CDC6: variants seen among roughly 807,000 people sequenced by gnomAD.
The protein encoded by CDC6 is DNA replication factor CDC6.
CDC6 carries 46 observed loss-of-function variants against 60.2 expected under a neutral mutation model. The observed-to-expected ratio is 0.76, with a 90% CI of 0.60 to 0.98. The LOEUF (loss-of-function observed/expected upper bound fraction) is 0.98, where lower values mean the gene tolerates loss of function less well. Ranked by LOEUF, CDC6 falls within the 50% of genes least tolerant of loss-of-function variation. The pLI is 0.00. For synonymous variants in CDC6, 210 were observed against 233.2 expected (o/e 0.90, Z 0.90); for missense variants, 596 against 652.9 (o/e 0.91, Z 0.95).
chr17:40,294,414 G>C lies in CDC6; in HGVS notation c.994G>C (p.Ala332Pro). 1 of 1,610,854 alleles carries C rather than the reference G, an allele frequency of 6.2e-7. No homozygotes were observed. Among genetic ancestry groups the C allele is most frequent in the Non-Finnish European group, 8.5e-7 (1 of 1,177,118 alleles). ...LTDRILPRLQ[A>P]REKCKPQLLN... ...AGATAGAATTCTACCTAGGCTTCAA[G>C]CTAGAGAAAAATGTAAGCCACAGCT... Residue 332 changes from alanine (A) to proline (P), a missense_variant, in exon 7 of 12, where the codon GCT becomes CCT. Physicochemically the swap from Ala to Pro is conservative, Grantham distance 27. Coordinates refer to ENST00000209728, the MANE Select transcript of CDC6 (RefSeq NM_001254.4).
chr17:40,295,304 C>G (rs2032841407), intron 7 of CDC6, 52 bp from the exon 8 acceptor site: 1 of 1,184,582 alleles, frequency 8.4e-7, no homozygotes, highest in Non-Finnish European at 1.3e-6. Flanking sequence ...ACCTAAATTA[C>G]AGAGGGAGAA....
rs767961359 is a variant in CDC6 at position 40,301,554 on chromosome 17, G to A, written c.1539G>A (p.Leu513=). The change falls in exon 11 of 12, where the codon TTG becomes TTA. Residue 513 remains leucine, a synonymous_variant. Coordinates refer to ENST00000209728, the MANE Select transcript of CDC6 (RefSeq NM_001254.4). ...AGTGTTTGTCACTTTCAGGGCTCTT[G>A]GAAGCCAGGGGCATTTTAGGATTAA... ...QSECLSLSGL[L]EARGILGLKR... 2 of 1,614,108 alleles carry A rather than the reference G, an allele frequency of 1.2e-6. No individual in the cohort carries two copies. Among genetic ancestry groups the A allele is most frequent in the East Asian group, 2.2e-5 (1 of 44,888 alleles).
rs1296847243 is a variant in CDC6, at chr17:40,303,444, GTGATC to G, written c.*1446_*1450del. ...CATTTGGAACTTGATATGTGTACAA[GTGATC>G]TGTTGGCCACTGTTTCATTCATCCT... On this transcript the variant is annotated 3_prime_UTR_variant, in exon 12 of 12. Coordinates refer to ENST00000209728, the MANE Select transcript of CDC6 (RefSeq NM_001254.4). The G allele has an allele frequency of 6.6e-6, 1 of 152,230 alleles. No individual in the cohort carries two copies. Among genetic ancestry groups the G allele is most frequent in the East Asian group, 1.9e-4 (1 of 5,198 alleles). 9.4% of individuals were successfully genotyped at this position (152,230 alleles called of 1,614,324 possible).
rs1428746001 is a variant in CDC6 at position 40,303,379 on chromosome 17, G to A, written c.*1378G>A. On this transcript the variant is annotated 3_prime_UTR_variant, in exon 12 of 12. Coordinates refer to ENST00000209728, the MANE Select transcript of CDC6 (RefSeq NM_001254.4). ...AGTGACCAAGTCTGCTTTTCCCTGA[G>A]CTCTCCTGCTGCCGCCTCTACCTTT... 2.0e-5 allele frequency: 3 copies of A among 152,222 alleles called. No homozygotes were observed. Among genetic ancestry groups the A allele is most frequent in the African/African-American group, 7.2e-5 (3 of 41,454 alleles). The allele number at this position is 152,222 out of a possible 1,614,324, so 9.4% of individuals were successfully genotyped here.
At chr17:40,298,519 C>T (rs1175605098) in intron 9 of CDC6, among the ~76,000 whole-genome samples, 2 of 151,948 alleles carry the variant, frequency 1.3e-5, no homozygotes, top group Non-Finnish European at 2.9e-5. Flanking sequence ...CAGGCCCAAG[C>T]AGTCCTCTCA....
At chr17:40,295,613 G>A (rs2032846394) in intron 8 of CDC6, 157 bp downstream of exon 8, 1 of 640,842 alleles carries the variant, frequency 1.6e-6, no homozygotes, top group South Asian at 1.8e-5. Flanking sequence ...GGGGAGCTCT[G>A]GATTTCCACC....
At chr17:40,290,580 G>A (rs142968106) in intron 2 of CDC6, among the ~76,000 whole-genome samples, 18 of 152,232 alleles carry the variant, frequency 1.2e-4, no homozygotes, top group African/African-American at 2.9e-4. Context: ...TATCCATGGG[G>A]GATACATTCC....
At chr17:40,297,207 C>T (rs898551903) in intron 9 of CDC6, among the ~76,000 whole-genome samples, 4 of 151,998 alleles carry the variant, frequency 2.6e-5, no homozygotes, top group African/African-American at 4.8e-5. Flanking sequence ...GAGGCCAAGG[C>T]GGGAGGATCG....
intron 9 of CDC6, among the ~76,000 whole-genome samples, chr17:40,299,383 T>C (rs886126666): frequency 6.6e-6 from 1 of 151,868 alleles, no homozygotes; most frequent in South Asian, 2.1e-4. Flanking sequence ...CATGAATTCC[T>C]GAGCTCAAGC....
intron 3 of CDC6, 53 bp from the exon 4 acceptor site, chr17:40,291,416 G>A: frequency 6.2e-7 from 1 of 1,611,546 alleles, no homozygotes; most frequent in South Asian, 1.1e-5. Flanking sequence ...CACCCACTGG[G>A]TCTTCTCATT....
chr17:40,295,665 G>A (rs944814092), intron 8 of CDC6, among the ~76,000 whole-genome samples: 1 of 151,820 alleles, frequency 6.6e-6, no homozygotes, highest in East Asian at 1.9e-4. Context: ...ACCTACAGAG[G>A]GAGAAACAAA....
rs1197504124 is a variant in CDC6, at chr17:40,289,401, A to G, written c.-13-7A>G. On this transcript the variant is annotated splice_polypyrimidine_tract_variant and splice_region_variant and intron_variant, in intron 1 of 11. Transcript: ENST00000209728. The stretch of plus-strand genomic sequence containing the variant: ...GACTAGTTGTCCTCTTATTTTTTTT[A>G]ATCTAGCTGTGCTGTCGTCATGCCT... The G allele has an allele frequency of 1.9e-6, 3 of 1,611,426 alleles. No homozygotes were observed. The highest frequency in any genetic ancestry group is 2.5e-6 in the Non-Finnish European group (3 of 1,177,740).
intron 9 of CDC6, among the ~76,000 whole-genome samples, chr17:40,300,161 GC>G (rs1416509374): frequency 2.6e-5 from 4 of 151,884 alleles, no homozygotes; most frequent in African/African-American, 4.8e-5. Context: ...ATGGAGTTTC[GC>G]CGTGTTGGGC....
intron 1 of CDC6, 145 bp from the exon 2 acceptor site, chr17:40,289,263 G>A: frequency 1.4e-6 from 1 of 732,558 alleles, no homozygotes; most frequent in Non-Finnish European, 2.3e-6. Flanking sequence ...AGATTTGGAT[G>A]TGAAGCAAAA....
chr17:40,291,911 A>G (rs948661564), intron 4 of CDC6, among the ~76,000 whole-genome samples: 4 of 151,946 alleles, frequency 2.6e-5, no homozygotes, highest in African/African-American at 9.7e-5. Flanking sequence ...ATGCCCAGCT[A>G]ATGTTTTTTG....
intron 4 of CDC6, among the ~76,000 whole-genome samples, chr17:40,293,233 C>T (rs1224945876): frequency 2.7e-5 from 4 of 150,934 alleles, no homozygotes; most frequent in African/African-American, 4.9e-5. Flanking sequence ...AGTGAGACTC[C>T]GTCTCAAAGA....
Position 40,294,426 on chromosome 17 carries a change from T to A in CDC6, c.1006T>A (p.Cys336Ser). 1 of 1,612,346 alleles carries A rather than the reference T, an allele frequency of 6.2e-7. No homozygotes were observed. Among genetic ancestry groups the A allele is most frequent in the Non-Finnish European group, 8.5e-7 (1 of 1,178,400 alleles). The change falls in exon 7 of 12, where the codon TGT (cysteine) becomes AGT (serine). Residue 336 changes from cysteine (C) to serine (S), a missense_variant. By Grantham distance (112) the Cys-to-Ser change is moderately radical. Coordinates refer to ENST00000209728, the MANE Select transcript of CDC6 (RefSeq NM_001254.4). ...ACCTAGGCTTCAAGCTAGAGAAAAA[T>A]GTAAGCCACAGCTGTTGAACTTCCC... ...ILPRLQAREK[C>S]KPQLLNFPPY...
rs576754433 is a variant in CDC6, at chr17:40,304,017, G to A, written c.*2016G>A. ...TCAGGAACATGGCTTGACTCGCAGT[G>A]GGGCTGCTATGTATCCTCCCTGGCT... On this transcript the variant is annotated 3_prime_UTR_variant, in exon 12 of 12. Transcript: ENST00000209728. 2 of 152,380 alleles carry A rather than the reference G, an allele frequency of 1.3e-5. No individual in the cohort carries two copies. Among genetic ancestry groups the A allele is most frequent in the East Asian group, 3.9e-4 (2 of 5,190 alleles). The allele number at this position is 152,380 out of a possible 1,614,324, so 9.4% of individuals were successfully genotyped here.
Position 40,288,187 on chromosome 17 carries a change from G to A in CDC6, c.-14+97G>A, listed in dbSNP as rs1379717488. 2.6e-5 allele frequency: 4 copies of A among 152,836 alleles called. No homozygotes were observed. In the Admixed American group the frequency reaches 2.6e-4, roughly 10 times the overall value. The allele number at this position is 152,836 out of a possible 1,614,324, so 9.5% of individuals were successfully genotyped here. A position where few individuals can be genotyped will look rare whatever the true frequency, so the allele number is the denominator to read the frequency against. On this transcript the variant is annotated intron_variant, in intron 1 of 11. Coordinates refer to ENST00000209728, the MANE Select transcript of CDC6 (RefSeq NM_001254.4). ...CGGGGTAGTTCTAGCAGTTATGCGTGGTGTGAAGGAGGTGAAAGTTGTAGG... is the reference window on the plus strand; with the variant it reads ...CGGGGTAGTTCTAGCAGTTATGCGTAGTGTGAAGGAGGTGAAAGTTGTAGG...
Sources: gnomAD v4.1 joint callset for allele counts (sites outside exome capture counted in the v4.1 genomes callset) on GRCh38, gnomAD v4.1.1 for gene constraint, MANE v1.5 for transcripts, NCBI Gene and HGNC (gene_info 2026-07-23, HGNC 2026-07-21) for gene names.